ZNF438: variants seen among roughly 807,000 people sequenced by gnomAD.
The protein encoded by ZNF438 is zinc finger protein 438.
A neutral mutation model predicts 38.0 loss-of-function variants in ZNF438; 25 were observed. That is an observed-to-expected ratio of 0.66 (90% CI 0.48 to 0.92). The LOEUF (loss-of-function observed/expected upper bound fraction) is 0.92, where lower values mean the gene tolerates loss of function less well. Ranked by LOEUF, ZNF438 falls within the 40% of genes least tolerant of loss-of-function variation. ZNF438 has a pLI of 0.00. For synonymous variants in ZNF438, 372 were observed against 364.1 expected, an observed-to-expected ratio of 1.02 and a Z score of -0.25; for missense variants, 1,007 against 999.6, an observed-to-expected ratio of 1.01 and a Z score of -0.10.
At chr10:30,868,897 G>C (rs936608458) in intron 4 of ZNF438, among the ~76,000 whole-genome samples, 1 of 152,182 alleles carries the variant, frequency 6.6e-6, no homozygotes, top group Non-Finnish European at 1.5e-5. Context: ...ATTTGCACCT[G>C]CATTTATGTT....
At chr10:31,014,876 ATATT>A (rs1564851214) in intron 1 of ZNF438, among the ~76,000 whole-genome samples, 1 of 122,138 alleles carries the variant, frequency 8.2e-6, no homozygotes, top group East Asian at 2.1e-4. Context: ...ATATATATAT[ATATT>A]TATTTAGAGA....
chr10:30,894,240 A>C (rs1425096496), intron 3 of ZNF438, among the ~76,000 whole-genome samples: 2 of 152,228 alleles, frequency 1.3e-5, no homozygotes, highest in Non-Finnish European at 2.9e-5. Flanking sequence ...TAAAAAGGGA[A>C]AATATCTCAG....
Position 30,948,900 on chromosome 10 carries a change from C to T in ZNF438, c.-191-7249G>A, listed in dbSNP as rs372469715. Among the ~76,000 whole-genome samples, 17 of 151,838 alleles carry T rather than the reference C, an allele frequency of 1.1e-4. No individual in the cohort carries two copies. The East Asian group carries it at 1.4e-3, about 12-fold the overall frequency. ...GTTCAGATTCAGGAAATACAGAGAACGCCACAAAGATACTCCTCAAGAAGA... is the reference window on the plus strand; with the variant it reads ...GTTCAGATTCAGGAAATACAGAGAATGCCACAAAGATACTCCTCAAGAAGA... On this transcript the variant is annotated intron_variant, in intron 1 of 5. Coordinates refer to ENST00000413025, the Ensembl canonical transcript of ZNF438.
At chr10:31,014,675 C>A (rs534230986) in intron 1 of ZNF438, among the ~76,000 whole-genome samples, 169 of 152,276 alleles carry the variant, frequency 1.1e-3, no homozygotes, top group African/African-American at 4.0e-3. Flanking sequence ...AGGTACCCAA[C>A]CTCCCAGTGC....
At chr10:31,001,199 G>A (rs955981486) in intron 1 of ZNF438, among the ~76,000 whole-genome samples, 1 of 151,988 alleles carries the variant, frequency 6.6e-6, no homozygotes, top group Non-Finnish European at 1.5e-5. Context: ...ATTGGCAGAT[G>A]GTAGATACTC....
exon 6 of ZNF438, chr10:30,844,692 A>G (rs896268166): frequency 5.3e-5 from 19 of 357,364 alleles, no homozygotes; most frequent in African/African-American, 3.5e-4. Flanking sequence ...TCAATCTTCA[A>G]ATTTTGATCT....
intron 1 of ZNF438, among the ~76,000 whole-genome samples, chr10:30,980,862 T>A (rs1194529658): frequency 1.3e-5 from 2 of 152,244 alleles, no homozygotes; most frequent in East Asian, 3.8e-4. Context: ...AATTATTTTA[T>A]GTCTACAAAC....
At chr10:30,872,200 A>G (rs575765519) in intron 4 of ZNF438, among the ~76,000 whole-genome samples, 3 of 151,730 alleles carry the variant, frequency 2.0e-5, no homozygotes, top group African/African-American at 7.2e-5. Flanking sequence ...AAGCAAGTGG[A>G]ATTTAAGCCA....
At chr10:30,902,473 C>CCT (rs1356407782) in intron 3 of ZNF438, among the ~76,000 whole-genome samples, 1 of 152,116 alleles carries the variant, frequency 6.6e-6, no homozygotes, top group East Asian at 1.9e-4. Flanking sequence ...TAAAGATTCT[C>CCT]CAAGTCCCCA....
intron 1 of ZNF438, among the ~76,000 whole-genome samples, chr10:30,968,935 C>A (rs1589481779): frequency 6.6e-6 from 1 of 152,092 alleles, no homozygotes; most frequent in East Asian, 1.9e-4. Context: ...TTCCACAAAC[C>A]AGTGAGTATG....
intron 4 of ZNF438, among the ~76,000 whole-genome samples, chr10:30,874,350 A>G (rs1362559637): frequency 6.6e-6 from 1 of 151,554 alleles, no homozygotes. Flanking sequence ...GAGTCTTGCT[A>G]TGTTGCCCAG....
chr10:30,879,477 T>C (rs2038921397), intron 3 of ZNF438, among the ~76,000 whole-genome samples: 2 of 152,166 alleles, frequency 1.3e-5, no homozygotes, highest in South Asian at 2.1e-4. Flanking sequence ...TTATCAAGCA[T>C]GCAGAAACGC....
In ZNF438 at chr10:30,941,570, C is replaced by T. The variant is rs920423799; in HGVS notation, c.-115+5G>A. On this transcript the variant is annotated splice_donor_5th_base_variant and intron_variant, in intron 2 of 5. Coordinates refer to ENST00000413025, the Ensembl canonical transcript of ZNF438. ...TGGTACCAAGCTAGATGTGAGCAGACTTACCTGAAGTGATTTGACTTAGCA... is the reference window on the plus strand; with the variant it reads ...TGGTACCAAGCTAGATGTGAGCAGATTTACCTGAAGTGATTTGACTTAGCA... 1.1e-4 allele frequency: 16 copies of T among 152,174 alleles called. No individual in the cohort carries two copies. The highest frequency in any genetic ancestry group is 3.9e-4 in the African/African-American group (16 of 41,430). The allele number at this position is 152,174 out of a possible 1,614,324, so 9.4% of individuals were successfully genotyped here.
At chr10:30,968,230 G>A (rs1282921599) in intron 1 of ZNF438, among the ~76,000 whole-genome samples, 2 of 152,018 alleles carry the variant, frequency 1.3e-5, no homozygotes, top group Non-Finnish European at 2.9e-5. Context: ...GTAGGGAAAC[G>A]TGGCTCCTAT....
At position 30,959,785 on chromosome 10, in the gene ZNF438, T is replaced by C. The variant is rs186353336; in HGVS notation, c.-191-18134A>G. 2.6e-3 allele frequency among the ~76,000 whole-genome samples: 380 copies of C among 146,502 alleles called. 10 individuals carry two copies. The highest frequency in any genetic ancestry group is 8.6e-3 in the African/African-American group (355 of 41,120). On this transcript the variant is annotated intron_variant, in intron 1 of 5. Coordinates refer to ENST00000413025, the Ensembl canonical transcript of ZNF438. ...TCTTCACACACACACACATACCTGA[T>C]TCATTCTGTCTCTCTGGAGAACCTT...
At chr10:30,985,593 T>G (rs1213274906) in intron 1 of ZNF438, among the ~76,000 whole-genome samples, 1 of 152,248 alleles carries the variant, frequency 6.6e-6, no homozygotes. Context: ...TTTTGGAAGT[T>G]CATTCTGTAG....
chr10:30,947,152 T>C (rs1242186006), intron 1 of ZNF438, among the ~76,000 whole-genome samples: 3 of 152,196 alleles, frequency 2.0e-5, no homozygotes, highest in Non-Finnish European at 4.4e-5. Flanking sequence ...GTGACAGAAA[T>C]GTGATTACAG....
At position 30,930,168 on chromosome 10, in the gene ZNF438, G is replaced by T. The variant is rs1365090596; in HGVS notation, c.-115+11407C>A. On this transcript the variant is annotated intron_variant, in intron 2 of 5. Transcript: ENST00000413025. ...CCCATTTGGTGGGGGCGGGGGTGGG[G>T]GGGGAGTGCGGGGCTCAGGCATGGT... Among the ~76,000 whole-genome samples the T allele has an allele frequency of 3.7e-4, 56 of 152,096 alleles. 1 individual carries two copies. The highest frequency in any genetic ancestry group is 1.5e-3 in the South Asian group (7 of 4,814).
chr10:30,850,205 G>C lies in ZNF438; in HGVS notation c.200C>G (p.Ser67Cys), dbSNP rs746160074. 1.7e-5 allele frequency: 27 copies of C among 1,613,992 alleles called. No individual in the cohort carries two copies. The South Asian group carries it at 2.9e-4, about 17-fold the overall frequency. Residue 67 changes from serine (S) to cysteine (C), a missense_variant, in exon 5 of 6, where the codon TCC becomes TGC. By Grantham distance (112) the Ser-to-Cys change is moderately radical. Coordinates refer to ENST00000413025, the Ensembl canonical transcript of ZNF438. ...CATCCCCAGCAGCTTGGAGTTGATG[G>C]AGGGTCCCAGATTCACCTGATCAGA... is the stretch of plus-strand genomic sequence containing the variant.
Sources: allele counts gnomAD v4.1 joint callset (sites outside exome capture counted in the v4.1 genomes callset), GRCh38; gene constraint gnomAD v4.1.1; transcripts MANE v1.5; gene names NCBI Gene and HGNC (gene_info 2026-07-23, HGNC 2026-07-21).